ABCA12: variants seen among roughly 807,000 people sequenced by gnomAD.
ABCA12 encodes the protein glucosylceramide transporter ABCA12.
ABCA12 carries 156 observed loss-of-function variants against 293.5 expected under a neutral mutation model. That is an observed-to-expected ratio of 0.53 (90% CI 0.47 to 0.61). ABCA12 has a LOEUF of 0.61. Ranked by LOEUF, ABCA12 falls within the 20% of genes least tolerant of loss-of-function variation. The pLI is 0.00. For synonymous variants in ABCA12, 1,063 were observed against 1,108.0 expected (o/e 0.96, Z 0.81); for missense variants, 2,797 against 3,090.2 (o/e 0.91, Z 2.25).
chr2:215,121,341 T>C (rs930845720), intron 1 of ABCA12, among the ~76,000 whole-genome samples: 3 of 152,234 alleles, frequency 2.0e-5, no homozygotes, highest in African/African-American at 7.2e-5. Context: ...TAAAGGACTT[T>C]CTGTAACCTA....
chr2:214,935,961 G>A (rs1188351657), intron 51 of ABCA12, among the ~76,000 whole-genome samples: 2 of 151,990 alleles, frequency 1.3e-5, no homozygotes, highest in Non-Finnish European at 2.9e-5. Context: ...TTAACATTGT[G>A]CCTTATAATT....
At chr2:215,113,303 A>C (rs904213704) in intron 1 of ABCA12, among the ~76,000 whole-genome samples, 3 of 152,222 alleles carry the variant, frequency 2.0e-5, no homozygotes, top group Non-Finnish European at 2.9e-5. Flanking sequence ...TCAAAAATGG[A>C]AGTTCACAAA....
intron 8 of ABCA12, among the ~76,000 whole-genome samples, chr2:215,036,515 AG>A: frequency 6.6e-6 from 1 of 152,182 alleles, no homozygotes; most frequent in Non-Finnish European, 1.5e-5. Flanking sequence ...GTACCATTCT[AG>A]ATATGCCAAA....
chr2:215,035,003 TGTGAA>T (rs1232774237), intron 8 of ABCA12, among the ~76,000 whole-genome samples: 2 of 152,278 alleles, frequency 1.3e-5, no homozygotes, highest in East Asian at 3.9e-4. Context: ...TGCTGAACAC[TGTGAA>T]GACTAAGAAT....
In ABCA12 at chr2:214,989,583, T is replaced by C. The variant is rs1262815884; in HGVS notation, c.3663A>G (p.Gln1221=). ...CCTGTTCTTCGTATCGTGCAATGTA[T>C]TGGCTTGCATAGCTGAATGCTGTTG... ...LSPTAFSYAS[Q]YIARYEEQGI... The change falls in exon 25 of 53, where the codon CAA becomes CAG. Residue 1221 remains glutamine, a synonymous_variant. Transcript: ENST00000272895. 11 of 1,614,108 alleles carry C rather than the reference T, an allele frequency of 6.8e-6. No individual in the cohort carries two copies. The highest frequency in any genetic ancestry group is 8.5e-6 in the Non-Finnish European group (10 of 1,179,994).
intron 15 of ABCA12, among the ~76,000 whole-genome samples, chr2:215,015,273 A>C (rs1700466804): frequency 6.7e-4 from 1 of 1,498 alleles, no homozygotes; most frequent in Non-Finnish European, 9.1e-3. Context: ...ACACAAACCG[A>C]GAGTTAGTAA....
intron 30 of ABCA12, among the ~76,000 whole-genome samples, chr2:214,981,270 C>T (rs886185952): frequency 6.6e-6 from 1 of 152,046 alleles, no homozygotes; most frequent in Non-Finnish European, 1.5e-5. Flanking sequence ...TAGAATTTTG[C>T]TCCCATGGGT....
rs1700885066 is a variant in ABCA12, at chr2:215,031,846, AG to A, written c.1035del (p.Leu346TyrfsTer11). ...THVWNEDDGQ[T>X]LSPSSLAAQL... ...TGTGCAGCCAGACTGCTTGGAGATAAGGTCTGTCCATCATCCTCATTCCACA... is the reference window on the plus strand; with the variant it reads ...TGTGCAGCCAGACTGCTTGGAGATAAGTCTGTCCATCATCCTCATTCCACA... On this transcript the variant is annotated frameshift_variant, in exon 9 of 53. Transcript: ENST00000272895. LOFTEE classifies it high-confidence loss of function. 2 of 1,613,876 alleles carry A rather than the reference AG, an allele frequency of 1.2e-6. No homozygotes were observed. The highest frequency in any genetic ancestry group is 2.7e-5 in the African/African-American group (2 of 74,934).
Position 215,031,490 on chromosome 2 carries a change from T to C in ABCA12, c.1061+331A>G, listed in dbSNP as rs561045282. 2.0e-5 allele frequency among the ~76,000 whole-genome samples: 3 copies of C among 152,244 alleles called. No homozygotes were observed. In the South Asian group the frequency reaches 6.2e-4, roughly 32 times the overall value. On this transcript the variant is annotated intron_variant, in intron 9 of 52. Transcript: ENST00000272895. ...GCAAGACAGATACTTACACACTGTT[T>C]GTGGTGAAAGAAAAGTGTTGACAGC...
chr2:215,015,642 G>A lies in ABCA12; in HGVS notation c.1804C>T (p.Leu602=), dbSNP rs1454149782. 6 of 1,613,840 alleles carry A rather than the reference G, an allele frequency of 3.7e-6. No individual in the cohort carries two copies. In the African/African-American group the frequency reaches 6.7e-5, roughly 18 times the overall value. Reference sequence around the variant, plus strand: ...GTGATATTAGTATCACAGGAATGCAGCCAGAACACCTGAGAAATAATCTGC... The same window carrying A: ...GTGATATTAGTATCACAGGAATGCAACCAGAACACCTGAGAAATAATCTGC... ...RAEIISQVFW[L]HSCDTNITTP... Residue 602 remains leucine, a synonymous_variant, in exon 15 of 53, where the codon CTG becomes TTG. Transcript: ENST00000272895.
intron 23 of ABCA12, among the ~76,000 whole-genome samples, chr2:214,991,282 T>C (rs569631428): frequency 2.9e-4 from 44 of 152,204 alleles, no homozygotes; most frequent in Admixed American, 7.9e-4. Flanking sequence ...AGGGTTTAAT[T>C]ACAGTTCCAC....
intron 31 of ABCA12, 71 bp downstream of exon 31, chr2:214,980,412 G>A: frequency 6.3e-7 from 1 of 1,584,452 alleles, no homozygotes; most frequent in Non-Finnish European, 8.6e-7. Flanking sequence ...AAGTTGGAGA[G>A]ACTCTGCTCC....
At chr2:215,087,510 A>ATG (rs1363040308) in intron 2 of ABCA12, among the ~76,000 whole-genome samples, 1 of 68,854 alleles carries the variant, frequency 1.5e-5, no homozygotes, top group Non-Finnish European at 3.1e-5. Flanking sequence ...GTGTGTGTGC[A>ATG]TGTGTGTGTG....
At chr2:214,990,404 C>G (rs1699886072) in intron 24 of ABCA12, among the ~76,000 whole-genome samples, 1 of 152,072 alleles carries the variant, frequency 6.6e-6, no homozygotes, top group South Asian at 2.1e-4. Context: ...AGGAATTGGT[C>G]CAGAGAGAAG....
chr2:214,957,963 G>T (rs1041226696), intron 41 of ABCA12, among the ~76,000 whole-genome samples: 1 of 152,050 alleles, frequency 6.6e-6, no homozygotes, highest in Non-Finnish European at 1.5e-5. Flanking sequence ...TCACCTGGGG[G>T]ATCTTTTTAA....
chr2:214,982,240 A>G lies in ABCA12; in HGVS notation c.4526T>C (p.Val1509Ala), dbSNP rs1411535961. ...TATACTTCGGCGAGAACATGGGTCA[A>G]CTCCAGTAGATGGTTCATCCAAAAT... Reference protein sequence around the residue: ...VVILDEPSTGVDPCSRRSIWD... With the variant: ...VVILDEPSTGADPCSRRSIWD... The change falls in exon 30 of 53, where the codon GTT (valine) becomes GCT (alanine). Residue 1509 changes from valine to alanine, a missense_variant. Coordinates refer to ENST00000272895, the MANE Select transcript of ABCA12 (RefSeq NM_173076.3). 6.2e-7 allele frequency: 1 copy of G among 1,613,830 alleles called. No individual in the cohort carries two copies. The highest frequency in any genetic ancestry group is 8.5e-7 in the Non-Finnish European group (1 of 1,179,990).
intron 1 of ABCA12, among the ~76,000 whole-genome samples, chr2:215,114,266 C>T (rs1288541034): frequency 6.6e-6 from 1 of 152,210 alleles, no homozygotes; most frequent in African/African-American, 2.4e-5. Flanking sequence ...AGTCACCGCA[C>T]CCGGCCAAAT....
intron 44 of ABCA12, among the ~76,000 whole-genome samples, chr2:214,951,850 A>G (rs1698783181): frequency 6.6e-6 from 1 of 152,190 alleles, no homozygotes; most frequent in African/African-American, 2.4e-5. Flanking sequence ...CAAAATTTTA[A>G]GTGCATAATA....
In ABCA12 at chr2:215,025,638, T is replaced by G. The variant is rs2140470; in HGVS notation, c.1287+35A>C. 114 of 1,320,374 alleles carry G rather than the reference T, an allele frequency of 8.6e-5. No individual in the cohort carries two copies. In the African/African-American group the frequency reaches 1.5e-3, roughly 17 times the overall value. 81.8% of individuals were successfully genotyped at this position (1,320,374 alleles called of 1,614,324 possible). On this transcript the variant is annotated intron_variant, in intron 11 of 52. Transcript: ENST00000272895. ...TTGTTTTGTCTTTTTGTTTTTTTTT[T>G]TGTTTTTTGTTTTTTTTTTACTTTC...
Sources: gnomAD v4.1 joint callset for allele counts (sites outside exome capture counted in the v4.1 genomes callset) on GRCh38, gnomAD v4.1.1 for gene constraint, MANE v1.5 for transcripts, NCBI Gene and HGNC (gene_info 2026-07-23, HGNC 2026-07-21) for gene names.